The following FMR1NB variants were observed in gnomAD, a reference collection of about 807,000 sequenced individuals.
The protein encoded by FMR1NB is FMR1 neighbor protein.
FMR1NB carries 10 observed loss-of-function variants against 16.8 expected under a neutral mutation model. That is an observed-to-expected ratio of 0.60 (90% CI 0.37 to 1.01). The LOEUF is 1.01. FMR1NB is among the 50% of genes least tolerant of loss of function. FMR1NB has a pLI of 0.01. For synonymous variants in FMR1NB, 83 were observed against 79.1 expected (o/e 1.05, Z -0.26); for missense variants, 205 against 204.8 (o/e 1.00, Z 0.00).
At chrX:148,021,447 T>G (rs886743490) in intron 4 of FMR1NB, among the ~76,000 whole-genome samples, 15 of 107,379 alleles carry the variant, frequency 1.4e-4, no homozygotes, top group Non-Finnish European at 2.3e-4. Flanking sequence ...GGTGTTCCTA[T>G]GGCGGGGTAG....
chrX:148,020,852 A>G (rs1282473278), intron 4 of FMR1NB, among the ~76,000 whole-genome samples: 2 of 111,783 alleles, frequency 1.8e-5, no homozygotes, highest in Non-Finnish European at 3.8e-5. Flanking sequence ...TGCAGCCTGG[A>G]GTTAGGGGAG....
chrX:148,013,100 C>G (rs926609364), intron 4 of FMR1NB, among the ~76,000 whole-genome samples: 7 of 111,409 alleles, frequency 6.3e-5, no homozygotes. Context: ...GTTTGAAATT[C>G]GTATAAAGCT....
intron 1 of FMR1NB, among the ~76,000 whole-genome samples, chrX:147,985,100 C>G (rs189425275): frequency 9.0e-6 from 1 of 111,365 alleles, no homozygotes; most frequent in East Asian, 2.8e-4. Context: ...AATTTTCTAT[C>G]TATATTCATA....
intron 4 of FMR1NB, among the ~76,000 whole-genome samples, chrX:148,012,219 A>AGCT (rs2044629116): frequency 9.0e-6 from 1 of 111,142 alleles, no homozygotes; most frequent in Non-Finnish European, 1.9e-5. Flanking sequence ...TCTTATTAAC[A>AGCT]GCTATTACTG....
rs1288019077 is a variant in FMR1NB, at chrX:148,025,605, A to C, written c.*13+592A>C. Among the ~76,000 whole-genome samples, 6 of 111,824 alleles carry C rather than the reference A, an allele frequency of 5.4e-5. No individual in the cohort carries two copies. In the South Asian group the frequency reaches 2.2e-3, roughly 42 times the overall value. ...CCTCCCAAAATAACTGTGAAGGGAC[A>C]AGTAAGAATAAAATGGTTGGTGAGA... On this transcript the variant is annotated intron_variant, in intron 5 of 5. Coordinates refer to ENST00000370467, the MANE Select transcript of FMR1NB (RefSeq NM_152578.3).
chrX:147,989,638 G>A (rs1327317914), intron 1 of FMR1NB, among the ~76,000 whole-genome samples: 1 of 112,025 alleles, frequency 8.9e-6, no homozygotes, highest in Non-Finnish European at 1.9e-5. Flanking sequence ...TTCCTCGGGT[G>A]CTCTGTCCCA....
chrX:148,018,997 A>G (rs1381193950), intron 4 of FMR1NB, among the ~76,000 whole-genome samples: 1 of 111,943 alleles, frequency 8.9e-6, no homozygotes, highest in African/African-American at 3.3e-5. Flanking sequence ...AAACAACCCC[A>G]TCAAAAAGTG....
chrX:147,993,514 C>G, intron 1 of FMR1NB, among the ~76,000 whole-genome samples: 1 of 111,373 alleles, frequency 9.0e-6, no homozygotes, highest in Non-Finnish European at 1.9e-5. Context: ...TTTCTCACCT[C>G]CCCACAATGA....
At chrX:147,994,062 C>T (rs1412196885) in intron 1 of FMR1NB, among the ~76,000 whole-genome samples, 1 of 111,502 alleles carries the variant, frequency 9.0e-6, no homozygotes, top group South Asian at 3.8e-4. Flanking sequence ...CCCTCACAAA[C>T]GTATTTTATG....
At chrX:148,025,546 G>T (rs990651394) in intron 5 of FMR1NB, among the ~76,000 whole-genome samples, 2 of 111,430 alleles carry the variant, frequency 1.8e-5, no homozygotes, top group Non-Finnish European at 3.8e-5. Flanking sequence ...ACTTGTACAG[G>T]GTTATAGATC....
intron 1 of FMR1NB, among the ~76,000 whole-genome samples, chrX:147,995,334 A>G (rs782351349): frequency 3.6e-5 from 4 of 112,596 alleles, no homozygotes; most frequent in East Asian, 2.8e-4. Context: ...TGGTTCTGAC[A>G]TTAAAATTCC....
intron 1 of FMR1NB, among the ~76,000 whole-genome samples, chrX:148,000,142 T>C (rs937748310): frequency 9.0e-6 from 1 of 111,654 alleles, no homozygotes; most frequent in Non-Finnish European, 1.9e-5. Flanking sequence ...ATAAAGGAGA[T>C]TTAAATATTA....
rs782174951 is a variant in FMR1NB at position 148,025,011 on chromosome X, A to G, written c.*11A>G. On this transcript the variant is annotated splice_region_variant and 3_prime_UTR_variant, in exon 5 of 6. Coordinates refer to ENST00000370467, the MANE Select transcript of FMR1NB (RefSeq NM_152578.3). ...CATGGTGACGAGTAGCAAGAGACCA[A>G]AGGTAATTGACAATAGGATATAAAG... The G allele has an allele frequency of 8.3e-7, 1 of 1,207,773 alleles. No homozygotes were observed. The highest frequency in any genetic ancestry group is 1.7e-5 in the African/African-American group (1 of 57,617).
chrX:148,008,951 G>A (rs890399762), intron 4 of FMR1NB, among the ~76,000 whole-genome samples: 18 of 110,517 alleles, frequency 1.6e-4, no homozygotes, highest in African/African-American at 4.3e-4. Context: ...AGGCCGAGGC[G>A]GGTGGATCAC....
At position 147,989,174 on chromosome X, in the gene FMR1NB, T is replaced by A. The variant is rs1449559092; in HGVS notation, c.277+7495T>A. Reference sequence around the variant, plus strand: ...ATCTTTGAGGCTGAAGAACTTTGGATGGGATTTCTGTGTGGGGGTTCTTTT... The same window carrying A: ...ATCTTTGAGGCTGAAGAACTTTGGAAGGGATTTCTGTGTGGGGGTTCTTTT... On this transcript the variant is annotated intron_variant, in intron 1 of 5. Transcript: ENST00000370467. Among the ~76,000 whole-genome samples, 3 of 111,891 alleles carry A rather than the reference T, an allele frequency of 2.7e-5. No individual in the cohort carries two copies. In the East Asian group the frequency reaches 8.4e-4, roughly 32 times the overall value.
intron 1 of FMR1NB, 136 bp from the exon 2 acceptor site, chrX:148,003,065 G>C: frequency 1.5e-6 from 1 of 652,187 alleles, no homozygotes; most frequent in Non-Finnish European, 2.3e-6. Flanking sequence ...TGCTTAAGCT[G>C]TTATGAGATG....
Position 147,981,471 on chromosome X carries a change from C to G in FMR1NB, c.69C>G (p.His23Gln), listed in dbSNP as rs781989118. 6.6e-6 allele frequency: 8 copies of G among 1,211,823 alleles called. No individual in the cohort carries two copies. The Admixed American group carries it at 1.7e-4, about 26-fold the overall frequency. Residue 23 changes from histidine to glutamine, a missense_variant, in exon 1 of 6, where the codon CAC becomes CAG. Coordinates refer to ENST00000370467, the MANE Select transcript of FMR1NB (RefSeq NM_152578.3). ...RRSHRAMRVA[H>Q]LELATYELAA... The stretch of plus-strand genomic sequence containing the variant: ...GTCACCGTGCCATGCGTGTGGCTCA[C>G]TTAGAGCTGGCAACTTATGAGTTGG...
intron 3 of FMR1NB, among the ~76,000 whole-genome samples, chrX:148,007,321 CTG>C (rs1340244834): frequency 8.9e-6 from 1 of 112,079 alleles, no homozygotes; most frequent in Non-Finnish European, 1.9e-5. Context: ...GCATCTCACT[CTG>C]TTACCCAGGC....
At chrX:148,011,878 C>CT (rs2124624442) in intron 4 of FMR1NB, among the ~76,000 whole-genome samples, 1 of 111,471 alleles carries the variant, frequency 9.0e-6, no homozygotes, top group African/African-American at 3.3e-5. Context: ...TGATATGAAC[C>CT]TGGTACACAG....
Sources: gnomAD v4.1 joint callset for allele counts (sites outside exome capture counted in the v4.1 genomes callset) on GRCh38, gnomAD v4.1.1 for gene constraint, MANE v1.5 for transcripts, NCBI Gene and HGNC (gene_info 2026-07-23, HGNC 2026-07-21) for gene names.